GDAP1L1: variants seen among roughly 807,000 people sequenced by gnomAD.
The protein encoded by GDAP1L1 is ganglioside-induced differentiation-associated protein 1-like 1.
GDAP1L1 carries 21 observed loss-of-function variants against 37.1 expected under a neutral mutation model. That is an observed-to-expected ratio of 0.57 (90% CI 0.40 to 0.81). GDAP1L1 has a LOEUF of 0.81. Ranked by LOEUF, GDAP1L1 falls within the 40% of genes least tolerant of loss-of-function variation. The pLI, the probability that GDAP1L1 is intolerant of heterozygous loss-of-function variation, is 0.00. For synonymous variants in GDAP1L1, 193 were observed against 209.1 expected (o/e 0.92, Z 0.67); for missense variants, 362 against 491.6 (o/e 0.74, Z 2.49).
At chr20:44,256,358 C>T (rs2073544862) in intron 1 of GDAP1L1, among the ~76,000 whole-genome samples, 1 of 152,086 alleles carries the variant, frequency 6.6e-6, no homozygotes. Flanking sequence ...AGAAATTTAG[C>T]TGTTGATTAT....
rs1477116614 is a variant in GDAP1L1 at position 44,279,209 on chromosome 20, C to A, written c.1013C>A (p.Pro338His). The change falls in exon 6 of 6, where the codon CCC becomes CAC. Residue 338 changes from proline (P) to histidine (H), a missense_variant. Transcript: ENST00000342560. Reference sequence around the variant, plus strand: ...GCTTTCCGGCTGGTCAAGAGGAAACCCCCATCCTTCTTCGGGGCGTCCTTC... The same window carrying A: ...GCTTTCCGGCTGGTCAAGAGGAAACACCCATCCTTCTTCGGGGCGTCCTTC... Reference protein sequence around the residue: ...PNAFRLVKRKPPSFFGASFLM... With the variant: ...PNAFRLVKRKHPSFFGASFLM... The A allele has an allele frequency of 1.2e-6, 2 of 1,614,100 alleles. No individual in the cohort carries two copies. Among genetic ancestry groups the A allele is most frequent in the Admixed American group, 3.3e-5 (2 of 60,016 alleles).
chr20:44,252,378 G>C (rs907705737), intron 1 of GDAP1L1, among the ~76,000 whole-genome samples: 2 of 151,884 alleles, frequency 1.3e-5, no homozygotes, highest in African/African-American at 4.8e-5. Flanking sequence ...GGTGGCTCGC[G>C]CCTGTAATCC....
intron 5 of GDAP1L1, among the ~76,000 whole-genome samples, chr20:44,276,450 A>AAGAG (rs2062581237): frequency 1.3e-5 from 2 of 150,934 alleles, no homozygotes; most frequent in African/African-American, 4.9e-5. Flanking sequence ...GAAAGAAAGA[A>AAGAG]AGAAAGAAAG....
At chr20:44,258,362 GGAT>G (rs775438811) in intron 2 of GDAP1L1, 69 bp from the exon 3 acceptor site, 5 of 1,445,534 alleles carry the variant, frequency 3.5e-6, no homozygotes, top group Non-Finnish European at 4.7e-6. Flanking sequence ...TGGGGCTCAG[GGAT>G]GCCGGGGGCA....
chr20:44,273,953 C>A (rs6031493), intron 5 of GDAP1L1, among the ~76,000 whole-genome samples: 18,496 of 152,232 alleles, frequency 0.12, 1,491 homozygotes, highest in Non-Finnish European at 0.18. Context: ...TGTATATCAT[C>A]AATTCTAAGA....
rs60409777 is a variant in GDAP1L1 at position 44,276,138 on chromosome 20, G to A, written c.761-2819G>A. 7.4e-3 allele frequency among the ~76,000 whole-genome samples: 1,103 copies of A among 150,022 alleles called. 14 individuals are homozygous for A. The highest frequency in any genetic ancestry group is 0.052 in the East Asian group (263 of 5,082). On this transcript the variant is annotated intron_variant, in intron 5 of 5. Coordinates refer to ENST00000342560, the MANE Select transcript of GDAP1L1 (RefSeq NM_024034.6). ...GGATTTCAAGACCAGCCTGGCCAACGTGGCAAAACCCCATCTCTAGTAAAA... is the reference window on the plus strand; with the variant it reads ...GGATTTCAAGACCAGCCTGGCCAACATGGCAAAACCCCATCTCTAGTAAAA...
chr20:44,248,823 G>T (rs776962873), intron 1 of GDAP1L1, among the ~76,000 whole-genome samples: 2 of 152,178 alleles, frequency 1.3e-5, no homozygotes, highest in Non-Finnish European at 2.9e-5. Context: ...GATGAAGCTG[G>T]TCCACCAATC....
intron 3 of GDAP1L1, among the ~76,000 whole-genome samples, chr20:44,261,840 G>C (rs1186418034): frequency 6.6e-6 from 1 of 152,216 alleles, no homozygotes. Flanking sequence ...TCCTGGAGGA[G>C]GAAATCTTTA....
In GDAP1L1 at chr20:44,249,616, C is replaced by T. The variant is rs2073400893; in HGVS notation, c.180+2102C>T. Among the ~76,000 whole-genome samples, 3 of 152,220 alleles carry T rather than the reference C, an allele frequency of 2.0e-5. No homozygotes were observed. The South Asian group carries it at 6.2e-4, about 32-fold the overall frequency. On this transcript the variant is annotated intron_variant, in intron 1 of 5. Coordinates refer to ENST00000342560, the MANE Select transcript of GDAP1L1 (RefSeq NM_024034.6). ...CATGAGGGAGCCTCCTGTTCTTTGC[C>T]TCATGAAATATTTCCTATGTAGCGT...
At chr20:44,272,459 G>A (rs1364988022) in intron 5 of GDAP1L1, among the ~76,000 whole-genome samples, 1 of 152,192 alleles carries the variant, frequency 6.6e-6, no homozygotes, top group African/African-American at 2.4e-5. Flanking sequence ...TGTCTCCACA[G>A]GGAGCAGGAA....
At chr20:44,271,031 G>T (rs2062510000) in intron 5 of GDAP1L1, among the ~76,000 whole-genome samples, 1 of 152,152 alleles carries the variant, frequency 6.6e-6, no homozygotes, top group South Asian at 2.1e-4. Flanking sequence ...GGAGGCTGAG[G>T]CAGGAGAATC....
At position 44,258,754 on chromosome 20, in the gene GDAP1L1, G is replaced by A. The variant is rs575972253; in HGVS notation, c.547+147G>A. 1.5e-4 allele frequency: 94 copies of A among 642,246 alleles called. 1 individual carries two copies. Among genetic ancestry groups the A allele is most frequent in the Admixed American group, 5.3e-4 (19 of 35,576 alleles). The allele number at this position is 642,246 out of a possible 1,614,324, so 39.8% of individuals were successfully genotyped here. ...CCTCTTGCATTCTCCATTTGTCCCC[G>A]CCTCTCTCTGAGTGCTCGGGGTTGG... On this transcript the variant is annotated intron_variant, in intron 3 of 5. Coordinates refer to ENST00000342560, the MANE Select transcript of GDAP1L1 (RefSeq NM_024034.6).
intron 5 of GDAP1L1, among the ~76,000 whole-genome samples, chr20:44,268,854 A>G (rs1471081461): frequency 6.6e-6 from 1 of 152,186 alleles, no homozygotes; most frequent in Non-Finnish European, 1.5e-5. Flanking sequence ...TACATTTACA[A>G]GTTTGGATTT....
rs370507208 is a variant in GDAP1L1 at position 44,264,556 on chromosome 20, G to A, written c.757G>A (p.Glu253Lys). 3.1e-6 allele frequency: 5 copies of A among 1,610,528 alleles called. No individual in the cohort carries two copies. Among genetic ancestry groups the A allele is most frequent in the African/African-American group, 1.3e-5 (1 of 74,976 alleles). Residue 253 changes from glutamate to lysine, a missense_variant, in exon 5 of 6, where the codon GAG becomes AAG. By Grantham distance (56) the Glu-to-Lys change is moderately conservative. This residue lies in a region of GDAP1L1 where 85 missense variants were observed against 154.4 expected (regional missense o/e 0.55). Coordinates refer to ENST00000342560, the MANE Select transcript of GDAP1L1 (RefSeq NM_024034.6). ...GCTGGAGAAGAGGAAGCTGGAGAAC[G>A]AGGGTGGGTGCCAGCCCTGGGGGAG... ...AELEKRKLEN[E>K]GQKCELWLCG...
intron 3 of GDAP1L1, among the ~76,000 whole-genome samples, chr20:44,261,497 A>G (rs1290758526): frequency 6.6e-6 from 1 of 152,180 alleles, no homozygotes; most frequent in Non-Finnish European, 1.5e-5. Flanking sequence ...TTCAACACTC[A>G]CTGAGCTCCT....
At chr20:44,247,269 A>G, upstream of GDAP1L1, 3 of 1,526,128 alleles carry the variant, frequency 2.0e-6, no homozygotes, top group South Asian at 1.1e-5. Flanking sequence ...AGGCCATGTG[A>G]TGCTGGGCGA....
At chr20:44,276,394 A>G (rs1357350051) in intron 5 of GDAP1L1, among the ~76,000 whole-genome samples, 21 of 110,716 alleles carry the variant, frequency 1.9e-4, no homozygotes, top group African/African-American at 7.0e-4. Context: ...AAAAGAAAAG[A>G]AAGGGAAAGA....
intron 3 of GDAP1L1, among the ~76,000 whole-genome samples, 158 bp from the exon 4 acceptor site, chr20:44,263,072 C>T (rs1400948678): frequency 6.6e-6 from 1 of 152,182 alleles, no homozygotes; most frequent in East Asian, 1.9e-4. Flanking sequence ...TCATCCATCA[C>T]TACGGCACAG....
At chr20:44,250,691 A>G (rs1266838426) in intron 1 of GDAP1L1, among the ~76,000 whole-genome samples, 1 of 152,226 alleles carries the variant, frequency 6.6e-6, no homozygotes, top group Non-Finnish European at 1.5e-5. Flanking sequence ...GCTTTCAAGC[A>G]CTATCATAGG....
Sources: allele counts gnomAD v4.1 joint callset (sites outside exome capture counted in the v4.1 genomes callset), GRCh38; gene constraint gnomAD v4.1.1; regional missense constraint gnomAD v4.1.1; transcripts MANE v1.5; gene names NCBI Gene and HGNC (gene_info 2026-07-23, HGNC 2026-07-21).